The following MCM3AP variants were observed in gnomAD, a reference collection of about 807,000 sequenced individuals.
The protein encoded by MCM3AP is minichromosome maintenance complex component 3 associated protein, also known as germinal-center associated nuclear protein.
MCM3AP carries 126 observed loss-of-function variants against 184.1 expected under a neutral mutation model. That is an observed-to-expected ratio of 0.68 (90% CI 0.59 to 0.79). The LOEUF is 0.79. Ranked by LOEUF, MCM3AP falls within the 30% of genes least tolerant of loss-of-function variation. The probability of loss-of-function intolerance (pLI) is 0.00; values close to 1 mark genes in which losing one functional copy is unlikely to be tolerated. For synonymous variants in MCM3AP, 1,002 were observed against 979.3 expected, an observed-to-expected ratio of 1.02 and a Z score of -0.43; for missense variants, 2,496 against 2,479.2, an observed-to-expected ratio of 1.01 and a Z score of -0.14.
rs370633178 is a variant in MCM3AP at position 46,266,080 on chromosome 21, G to T, written c.2876C>A (p.Thr959Lys). The T allele has an allele frequency of 2.5e-5, 41 of 1,612,072 alleles. No individual in the cohort carries two copies. The highest frequency in any genetic ancestry group is 2.6e-5 in the Non-Finnish European group (31 of 1,179,244). The change falls in exon 11 of 28, where the codon ACG becomes AAG. Residue 959 changes from threonine (T) to lysine (K), a missense_variant. By Grantham distance (78) the Thr-to-Lys change is moderately conservative (BLOSUM62 -1). Coordinates refer to ENST00000291688, the MANE Select transcript of MCM3AP (RefSeq NM_003906.5). The part of the protein sequence containing the change: ...RKSVFITRKL[T>K]VSVGEIVNGG... Reference sequence around the variant, plus strand: ...GTTCACAATTTCCCCGACTGACACCGTCAGCTTCCTAGTAATAAACACCGA... The same window carrying T: ...GTTCACAATTTCCCCGACTGACACCTTCAGCTTCCTAGTAATAAACACCGA...
At chr21:46,235,610 G>C (rs1197595007) in intron 27 of MCM3AP, among the ~76,000 whole-genome samples, 184 bp from the exon 28 acceptor site, 1 of 152,136 alleles carries the variant, frequency 6.6e-6, no homozygotes, top group Admixed American at 6.5e-5. Context: ...CATTCAGCTG[G>C]TATCTGTATA....
At chr21:46,256,261 G>A (rs768723195) in intron 17 of MCM3AP, among the ~76,000 whole-genome samples, 3 of 152,170 alleles carry the variant, frequency 2.0e-5, no homozygotes, top group Non-Finnish European at 2.9e-5. Flanking sequence ...GGTTCTGCTC[G>A]GGGTAACCAG....
In MCM3AP at chr21:46,272,812, G is replaced by A. The variant is rs2081198955; in HGVS notation, c.2214C>T (p.His738=). 1 of 1,596,116 alleles carries A rather than the reference G, an allele frequency of 6.3e-7. No individual in the cohort carries two copies. The highest frequency in any genetic ancestry group is 1.7e-5 in the Admixed American group (1 of 58,442). The change falls in exon 8 of 28, where the codon CAC becomes CAT. Residue 738 remains histidine (H), a synonymous_variant. Coordinates refer to ENST00000291688, the MANE Select transcript of MCM3AP (RefSeq NM_003906.5). The part of the protein sequence containing the change: ...RGIRKDITQQ[H]LCDPLTVSLI... The stretch of plus-strand genomic sequence containing the variant: ...GGGACACCGTCAGGGGGTCACAGAG[G>A]TGCTGCTGCGTGATATCCTGGCCAC...
intron 19 of MCM3AP, 137 bp from the exon 20 acceptor site, chr21:46,251,819 A>G: frequency 1.8e-6 from 1 of 548,630 alleles, no homozygotes; most frequent in South Asian, 2.5e-5. Context: ...ACATCTTACT[A>G]TGAAGCTGAT....
rs147915118 is a variant in MCM3AP at position 46,251,619 on chromosome 21, G to A, written c.4200C>T (p.Ser1400=). The A allele has an allele frequency of 1.2e-6, 2 of 1,610,964 alleles. No individual in the cohort carries two copies. Among genetic ancestry groups the A allele is most frequent in the African/African-American group, 1.3e-5 (1 of 74,854 alleles). The stretch of plus-strand genomic sequence containing the variant: ...GCGTCTGAATCCCACCAGCATCGCT[G>A]GATGTGTCATCCACTGAGCCTTCAT... The part of the protein sequence containing the change: ...MGDEGSVDDT[S]SDAGGIQTLS... The change falls in exon 20 of 28, where the codon TCC becomes TCT. Residue 1400 remains serine, a synonymous_variant. Coordinates refer to ENST00000291688, the MANE Select transcript of MCM3AP (RefSeq NM_003906.5).
intron 17 of MCM3AP, among the ~76,000 whole-genome samples, chr21:46,255,886 C>T (rs549426222): frequency 6.6e-6 from 1 of 152,216 alleles, no homozygotes; most frequent in African/African-American, 2.4e-5. Context: ...GGCCAGGTCA[C>T]TATGTGAAGG....
intron 6 of MCM3AP, among the ~76,000 whole-genome samples, chr21:46,274,231 A>C (rs1260333800): frequency 6.6e-6 from 1 of 152,256 alleles, no homozygotes; most frequent in Non-Finnish European, 1.5e-5. Flanking sequence ...AAAATTCACA[A>C]AGTCCAAAAG....
At position 46,246,307 on chromosome 21, in the gene MCM3AP, C is replaced by T; in HGVS notation, c.4647G>A (p.Lys1549=). The T allele has an allele frequency of 1.3e-6, 2 of 1,582,602 alleles. No homozygotes were observed. The highest frequency in any genetic ancestry group is 1.7e-6 in the Non-Finnish European group (2 of 1,151,238). ...ACCATTAAAAATGATGAAACCTTAC[C>T]TTAGTTGAACCTTGTAGATCATTAA... ...DTINDLQGST[K]VLQAVQWLVS... is the part of the protein sequence containing the mutation. Residue 1549 remains lysine, a splice_region_variant and synonymous_variant, in exon 22 of 28, where the codon AAG becomes AAA. Transcript: ENST00000291688.
intron 15 of MCM3AP, among the ~76,000 whole-genome samples, chr21:46,260,351 C>G (rs1206720508): frequency 6.6e-6 from 1 of 152,200 alleles, no homozygotes; most frequent in Non-Finnish European, 1.5e-5. Flanking sequence ...ACCACAGGTG[C>G]AGTCATAGCA....
intron 9 of MCM3AP, chr21:46,267,682 G>C (rs1323505417): frequency 6.6e-6 from 1 of 152,546 alleles, no homozygotes; most frequent in Non-Finnish European, 1.5e-5. Flanking sequence ...CTTGAGCCCA[G>C]GAATTCAAGA....
Position 46,242,940 on chromosome 21 carries a change from A to G in MCM3AP, c.5297-9T>C. On this transcript the variant is annotated splice_polypyrimidine_tract_variant and intron_variant, in intron 24 of 27. Transcript: ENST00000291688. ...ATCTTCACTCAGCGCCTCTGAGAAA[A>G]CAATACAAAAACAGATAAAGAGGCC... The G allele has an allele frequency of 6.2e-7, 1 of 1,602,708 alleles. No homozygotes were observed. The highest frequency in any genetic ancestry group is 8.5e-7 in the Non-Finnish European group (1 of 1,175,698).
At chr21:46,240,770 G>C in intron 26 of MCM3AP, 41 bp downstream of exon 26, 1 of 1,570,486 alleles carries the variant, frequency 6.4e-7, no homozygotes. Flanking sequence ...ACAGCATAAA[G>C]CAGACTAAAC....
At chr21:46,239,683 T>C (rs925467689) in intron 26 of MCM3AP, among the ~76,000 whole-genome samples, 1 of 152,032 alleles carries the variant, frequency 6.6e-6, no homozygotes, top group Non-Finnish European at 1.5e-5. Flanking sequence ...AGTTCAGAGG[T>C]TTGAGATACA....
chr21:46,281,006 G>A (rs1348946979), intron 2 of MCM3AP, among the ~76,000 whole-genome samples: 14 of 152,128 alleles, frequency 9.2e-5, no homozygotes, highest in Admixed American at 4.6e-4. Flanking sequence ...GGGTTTCACC[G>A]TGTTAGCCAG....
At position 46,284,596 on chromosome 21, in the gene MCM3AP, C is replaced by G. The variant is rs570766458; in HGVS notation, c.691G>C (p.Val231Leu). 1 of 1,614,182 alleles carries G rather than the reference C, an allele frequency of 6.2e-7. No individual in the cohort carries two copies. The highest frequency in any genetic ancestry group is 1.3e-5 in the African/African-American group (1 of 75,048). ...AFTPALSNQN[V>L]EEEKRGPKSI... Reference sequence around the variant, plus strand: ...TTAGGTCCTCTCTTCTCTTCCTCTACATTTTGGTTTGACAAAGCAGGGGTA... The same window carrying G: ...TTAGGTCCTCTCTTCTCTTCCTCTAGATTTTGGTTTGACAAAGCAGGGGTA... The change falls in exon 1 of 28, where the codon GTA becomes CTA. Residue 231 changes from valine to leucine, a missense_variant. This residue lies in a region of MCM3AP where 800 missense variants were observed against 717.1 expected (regional missense o/e 1.12). Coordinates refer to ENST00000291688, the MANE Select transcript of MCM3AP (RefSeq NM_003906.5).
intron 5 of MCM3AP, among the ~76,000 whole-genome samples, chr21:46,275,811 A>G (rs1468994633): frequency 6.6e-6 from 1 of 152,248 alleles, no homozygotes; most frequent in Non-Finnish European, 1.5e-5. Context: ...TGACTTTAAT[A>G]TAAGAATCAT....
At chr21:46,254,161 AGT>A in intron 19 of MCM3AP, 1 of 565,362 alleles carries the variant, frequency 1.8e-6, no homozygotes, top group Non-Finnish European at 3.1e-6. Flanking sequence ...TCTTTAAAGC[AGT>A]GTGAGAACGG....
At chr21:46,275,893 C>T (rs1254978291) in intron 5 of MCM3AP, among the ~76,000 whole-genome samples, 7 of 152,088 alleles carry the variant, frequency 4.6e-5, no homozygotes, top group Non-Finnish European at 1.0e-4. Context: ...ATGTAGCTTG[C>T]AAGGAAAAGG....
chr21:46,271,624 C>T (rs569379467), intron 8 of MCM3AP, among the ~76,000 whole-genome samples: 143 of 151,958 alleles, frequency 9.4e-4, no homozygotes, highest in African/African-American at 3.3e-3. Flanking sequence ...TTTGGGAGGC[C>T]GAGGCAGGTG....
Sources: gnomAD v4.1 joint callset for allele counts (sites outside exome capture counted in the v4.1 genomes callset) on GRCh38, gnomAD v4.1.1 for gene constraint, gnomAD v4.1.1 regional missense constraint, MANE v1.5 for transcripts, NCBI Gene and HGNC (gene_info 2026-07-23, HGNC 2026-07-21) for gene names.